Variants in NAA16 observed in about 807,000 individuals in gnomAD.
NAA16 encodes NARG1-like protein.
Under a neutral mutation model 110.3 loss-of-function variants are expected in NAA16, and 97 were observed. The observed-to-expected ratio is 0.88, with a 90% CI of 0.75 to 1.04. The LOEUF (loss-of-function observed/expected upper bound fraction) is 1.04, where lower values mean the gene tolerates loss of function less well. NAA16 is among the 50% of genes least tolerant of loss of function. NAA16 has a pLI of 0.00. For missense variants in NAA16, 1,017 were observed against 1,005.1 expected, an observed-to-expected ratio of 1.01 and a Z score of -0.16; for synonymous variants, 372 against 330.6, an observed-to-expected ratio of 1.13 and a Z score of -1.36.
In NAA16 at chr13:41,311,436, C is replaced by A; in HGVS notation, c.-93C>A. 18 of 1,241,682 alleles carry A rather than the reference C, an allele frequency of 1.4e-5. No individual in the cohort carries two copies. The highest frequency in any genetic ancestry group is 2.1e-5 in the Non-Finnish European group (18 of 872,438). 76.9% of individuals were successfully genotyped at this position (1,241,682 alleles called of 1,614,324 possible). A position where few individuals can be genotyped will look rare whatever the true frequency, so the allele number is the denominator to read the frequency against. ...AATCCATCGCCCGCAGCCCGACTCT[C>A]AGCAGCGGTTCGTCCCGGTGCCCAC... On this transcript the variant is annotated 5_prime_UTR_variant, in exon 1 of 20. Transcript: ENST00000379406.
At chr13:41,332,372 C>G (rs1268959464) in intron 8 of NAA16, among the ~76,000 whole-genome samples, 2 of 152,044 alleles carry the variant, frequency 1.3e-5, no homozygotes, top group African/African-American at 2.4e-5. Flanking sequence ...AGCTTTTGTA[C>G]TTTATATAAA....
intron 9 of NAA16, among the ~76,000 whole-genome samples, chr13:41,349,968 A>AGTC (rs2042784516): frequency 6.6e-6 from 1 of 150,994 alleles, no homozygotes; most frequent in South Asian, 2.1e-4. Flanking sequence ...CTCAAAAAAA[A>AGTC]AAAAAAAAGT....
chr13:41,355,238 T>G (rs1593501635), intron 10 of NAA16, 22 bp downstream of exon 10: 1 of 1,414,388 alleles, frequency 7.1e-7, no homozygotes, highest in Non-Finnish European at 9.8e-7. Flanking sequence ...TTAGATTGAA[T>G]TGGAATTTGA....
At chr13:41,364,769 A>ATT (rs937477569) in intron 13 of NAA16, among the ~76,000 whole-genome samples, 46 of 152,330 alleles carry the variant, frequency 3.0e-4, no homozygotes, top group African/African-American at 1.1e-3. Flanking sequence ...TCTTTATCAA[A>ATT]TTGATAACAT....
chr13:41,375,361 C>A, intron 19 of NAA16, 44 bp from the exon 20 acceptor site: 1 of 1,436,412 alleles, frequency 7.0e-7, no homozygotes, highest in Non-Finnish European at 9.7e-7. Flanking sequence ...TAACTGCGAG[C>A]TTATTATTTT....
intron 14 of NAA16, 85 bp downstream of exon 14, chr13:41,367,737 AAT>A: frequency 1.1e-6 from 1 of 878,280 alleles, no homozygotes; most frequent in Non-Finnish European, 1.7e-6. Flanking sequence ...GAAAAATATT[AAT>A]ATATTGTCTG....
chr13:41,311,453 G>A lies in NAA16; in HGVS notation c.-76G>A. 6 of 1,432,830 alleles carry A rather than the reference G, an allele frequency of 4.2e-6. No homozygotes were observed. The highest frequency in any genetic ancestry group is 5.8e-6 in the Non-Finnish European group (6 of 1,041,630). 88.8% of individuals were successfully genotyped at this position (1,432,830 alleles called of 1,614,324 possible). A position where few individuals can be genotyped will look rare whatever the true frequency, so the allele number is the denominator to read the frequency against. ...CCGACTCTCAGCAGCGGTTCGTCCCGGTGCCCACCCCCGCGAAGCGGAGCG... is the reference window on the plus strand; with the variant it reads ...CCGACTCTCAGCAGCGGTTCGTCCCAGTGCCCACCCCCGCGAAGCGGAGCG... On this transcript the variant is annotated 5_prime_UTR_variant, in exon 1 of 20. Transcript: ENST00000379406.
Position 41,362,122 on chromosome 13 carries a change from AC to A in NAA16, c.1503del (p.Tyr501Ter). 6.2e-7 allele frequency: 1 copy of A among 1,607,592 alleles called. No individual in the cohort carries two copies. Among genetic ancestry groups the A allele is most frequent in the Non-Finnish European group, 8.5e-7 (1 of 1,177,942 alleles). ...TCAGCTTATCAGCGTCTGGGGAGAT[AC>A]GGGGATGCCTTGAAAAAATGTCATG... is the stretch of plus-strand genomic sequence containing the variant. The part of the protein sequence containing the change: ...CISAYQRLGR[Y>X]GDALKKCHEV... On this transcript the variant is annotated frameshift_variant, in exon 13 of 20. Coordinates refer to ENST00000379406, the MANE Select transcript of NAA16 (RefSeq NM_024561.5). LOFTEE classifies it high-confidence loss of function.
At chr13:41,334,530 C>T (rs2042326069) in intron 8 of NAA16, among the ~76,000 whole-genome samples, 1 of 152,108 alleles carries the variant, frequency 6.6e-6, no homozygotes, top group African/African-American at 2.4e-5. Flanking sequence ...TAAATATGGA[C>T]ATCATGTTTT....
chr13:41,345,592 G>T (rs1001534826), intron 9 of NAA16, among the ~76,000 whole-genome samples: 1 of 151,926 alleles, frequency 6.6e-6, no homozygotes, highest in African/African-American at 2.4e-5. Flanking sequence ...TTCGTTGTTT[G>T]TGTTTTTGAG....
intron 16 of NAA16, 58 bp downstream of exon 16, chr13:41,372,369 G>T: frequency 1.3e-6 from 2 of 1,500,098 alleles, no homozygotes; most frequent in Non-Finnish European, 1.8e-6. Flanking sequence ...ACCATATTCA[G>T]TGTAATCTTT....
intron 13 of NAA16, among the ~76,000 whole-genome samples, chr13:41,363,774 A>G (rs2043158021): frequency 6.6e-6 from 1 of 152,174 alleles, no homozygotes; most frequent in African/African-American, 2.4e-5. Flanking sequence ...CATAATTATT[A>G]TCGCTAGAAA....
chr13:41,348,513 G>A (rs2042743574), intron 9 of NAA16, among the ~76,000 whole-genome samples: 1 of 152,080 alleles, frequency 6.6e-6, no homozygotes, highest in Admixed American at 6.5e-5. Flanking sequence ...TGGTCATGGT[G>A]GGTAATTCTT....
At chr13:41,355,875 G>T (rs1043262828) in intron 10 of NAA16, among the ~76,000 whole-genome samples, 2 of 152,064 alleles carry the variant, frequency 1.3e-5, no homozygotes, top group African/African-American at 2.4e-5. Context: ...ATCCTCTTTA[G>T]TTTGGTCCTT....
chr13:41,372,169 T>C, intron 15 of NAA16, 34 bp from the exon 16 acceptor site: 1 of 1,463,850 alleles, frequency 6.8e-7, no homozygotes, highest in South Asian at 1.3e-5. Context: ...GTTCTGATGT[T>C]TTTTAAATAA....
chr13:41,374,710 T>C (rs2043394099), intron 18 of NAA16, 32 bp from the exon 19 acceptor site: 1 of 1,363,860 alleles, frequency 7.3e-7, no homozygotes, highest in South Asian at 1.2e-5. Context: ...AGTATAGGTG[T>C]TTATTCATTT....
chr13:41,364,314 C>T (rs2043168792), intron 13 of NAA16, among the ~76,000 whole-genome samples: 1 of 152,102 alleles, frequency 6.6e-6, no homozygotes, highest in African/African-American at 2.4e-5. Flanking sequence ...AGTCAGGATA[C>T]ATACTGCTTT....
intron 5 of NAA16, among the ~76,000 whole-genome samples, chr13:41,324,606 C>A (rs1488615769): frequency 6.6e-6 from 1 of 151,498 alleles, no homozygotes; most frequent in Non-Finnish European, 1.5e-5. Context: ...AAACTCCTGA[C>A]CTTGTGATCC....
intron 9 of NAA16, among the ~76,000 whole-genome samples, chr13:41,346,601 G>T (rs1281792418): frequency 1.3e-5 from 2 of 152,090 alleles, no homozygotes; most frequent in Non-Finnish European, 2.9e-5. Context: ...AATAATTTTG[G>T]CATACTTTAG....
Sources: gnomAD v4.1 joint callset for allele counts (sites outside exome capture counted in the v4.1 genomes callset) on GRCh38, gnomAD v4.1.1 for gene constraint, MANE v1.5 for transcripts, NCBI Gene and HGNC (gene_info 2026-07-23, HGNC 2026-07-21) for gene names.